DHX16: variants seen among roughly 807,000 people sequenced by gnomAD.
DHX16 encodes the protein DEAH-box helicase 16.
Under a neutral mutation model 131.2 loss-of-function variants are expected in DHX16, and 81 were observed. The ratio of observed to expected loss-of-function variants is 0.62; its 90% confidence interval spans 0.52 to 0.74. DHX16 has a LOEUF of 0.74. Among genes scored for constraint, DHX16 ranks in the 30% least tolerant of loss-of-function variants. DHX16 has a pLI of 0.00. For missense variants in DHX16, 980 were observed against 1,363.1 expected, an observed-to-expected ratio of 0.72 and a Z score of 4.43; for synonymous variants, 440 against 520.2, an observed-to-expected ratio of 0.85 and a Z score of 2.10.
At chr6:30,661,915 C>T in intron 9 of DHX16, 2 of 716,116 alleles carry the variant, frequency 2.8e-6, no homozygotes, top group South Asian at 3.0e-5. Context: ...TGTCCAATTG[C>T]TCCACTGTGA....
intron 7 of DHX16, among the ~76,000 whole-genome samples, chr6:30,664,033 CA>C: frequency 6.7e-6 from 1 of 148,540 alleles, no homozygotes; most frequent in African/African-American, 2.5e-5. Context: ...CAAAAAAAAA[CA>C]AAAAATGTTT....
intron 12 of DHX16, 112 bp downstream of exon 12, chr6:30,659,360 C>A: frequency 8.4e-7 from 1 of 1,189,356 alleles, no homozygotes; most frequent in South Asian, 1.5e-5. Flanking sequence ...GGCTGCTCCT[C>A]AGCTGTGTGC....
Position 30,656,351 on chromosome 6 carries a change from C to G in DHX16, c.2430+40G>C. 1 of 1,610,824 alleles carries G rather than the reference C, an allele frequency of 6.2e-7. No homozygotes were observed. The highest frequency in any genetic ancestry group is 8.5e-7 in the Non-Finnish European group (1 of 1,177,254). On this transcript the variant is annotated intron_variant, in intron 15 of 19. Transcript: ENST00000376442. The surrounding 1 kb of genome is among the most constrained non-coding windows in gnomAD (Gnocchi z 5.1). ...AGGGGTCCCTGGAGCCATCCTGACC[C>G]CTATCATCCTGCCTCCACCCATGCT...
Position 30,656,147 on chromosome 6 carries a change from G to A in DHX16, c.2498+51C>T, listed in dbSNP as rs549292187. On this transcript the variant is annotated intron_variant, in intron 16 of 19. Coordinates refer to ENST00000376442, the MANE Select transcript of DHX16 (RefSeq NM_003587.5). This position sits in a 1 kb window ranked among gnomAD's most constrained non-coding sequence, Gnocchi z 5.1. Reference sequence around the variant, plus strand: ...GACAAAGGGGACCCTGGAGACAGAGGAGGCCTGGCCTGTTTGTGTGCTGGG... The same window carrying A: ...GACAAAGGGGACCCTGGAGACAGAGAAGGCCTGGCCTGTTTGTGTGCTGGG... 21 of 1,557,006 alleles carry A rather than the reference G, an allele frequency of 1.3e-5. No homozygotes were observed. In the Admixed American group the frequency reaches 2.8e-4, roughly 21 times the overall value.
In DHX16 at chr6:30,671,167, C is replaced by T; in HGVS notation, c.315G>A (p.Glu105=). The T allele has an allele frequency of 6.2e-7, 1 of 1,613,094 alleles. No individual in the cohort carries two copies. The highest frequency in any genetic ancestry group is 8.5e-7 in the Non-Finnish European group (1 of 1,180,040). Residue 105 remains glutamate (E), a synonymous_variant, in exon 2 of 20, where the codon GAG becomes GAA. Transcript: ENST00000376442. Reference sequence around the variant, plus strand: ...CCCTACTCACAGTCTCCTCACTGCTCTCTTCACTGTCTTCCAGTAACCTAT... The same window carrying T: ...CCCTACTCACAGTCTCCTCACTGCTTTCTTCACTGTCTTCCAGTAACCTAT... ...RSYRLLEDSE[E]SSEETVSRAG...
At chr6:30,658,698 G>A (rs1184263311) in intron 12 of DHX16, among the ~76,000 whole-genome samples, 4 of 151,830 alleles carry the variant, frequency 2.6e-5, no homozygotes, top group East Asian at 2.0e-4. Flanking sequence ...GCAACAGAGC[G>A]AGACTCTGTC....
chr6:30,656,409 G>C lies in DHX16; in HGVS notation c.2412C>G (p.His804Gln), dbSNP rs1767988185. The change falls in exon 15 of 20, where the codon CAC becomes CAG. Residue 804 changes from histidine to glutamine, a missense_variant. His to Gln is a conservative substitution (Grantham distance 24). Around this residue, in one of 3 missense-constraint regions of DHX16, gnomAD observed 309 missense variants for 537.1 expected, o/e 0.58. Transcript: ENST00000376442. This position sits in a 1 kb window ranked among gnomAD's most constrained non-coding sequence, Gnocchi z 5.1. ...EQLYALGALN[H>Q]LGELTTSGRK... is the part of the protein sequence containing the mutation. ...GACTCACCGTGGTGAGCTCCCCAAG[G>C]TGGTTGAGGGCTCCCAGAGCATACA... The C allele has an allele frequency of 6.2e-7, 1 of 1,613,996 alleles. No individual in the cohort carries two copies.
intron 19 of DHX16, among the ~76,000 whole-genome samples, chr6:30,653,616 T>TCTTGGCCTCGCAAAGTGCTAGGATCCTGC (rs1767666459): frequency 6.7e-6 from 1 of 150,258 alleles, no homozygotes; most frequent in South Asian, 2.1e-4. Flanking sequence ...CCTGGGCTGA[T>TCTTGGCCTCGCAAAGTGCTAGGATCCTGC]CTTGGCCTCC....
intron 12 of DHX16, among the ~76,000 whole-genome samples, chr6:30,658,100 C>T (rs1241274311): frequency 1.3e-5 from 2 of 152,206 alleles, no homozygotes; most frequent in African/African-American, 4.8e-5. Flanking sequence ...TTGACTGCTA[C>T]TCAGCTGTCT....
At chr6:30,664,326 A>G (rs1324341518) in intron 7 of DHX16, among the ~76,000 whole-genome samples, 3 of 151,916 alleles carry the variant, frequency 2.0e-5, no homozygotes, top group African/African-American at 7.3e-5. Flanking sequence ...TCTACTAAAA[A>G]ATTAGCCAGG....
chr6:30,655,492 A>G lies in DHX16; in HGVS notation c.2604T>C (p.Arg868=). The G allele has an allele frequency of 1.9e-6, 3 of 1,613,278 alleles. No individual in the cohort carries two copies. The highest frequency in any genetic ancestry group is 2.7e-5 in the African/African-American group (2 of 75,044). ...CACCGCCAGGGAGAAAGAAGTTGAC[A>G]CGGGCATTGTCAGCATGGACGACCT... ...KDKVVHADNA[R]VNFFLPGGDH... Residue 868 remains arginine, a synonymous_variant, in exon 17 of 20, where the codon CGT becomes CGC. Transcript: ENST00000376442.
Position 30,655,512 on chromosome 6 carries a change from C to A in DHX16, c.2584G>T (p.Val862Phe), listed in dbSNP as rs535573253. The A allele has an allele frequency of 6.2e-7, 1 of 1,613,110 alleles. No homozygotes were observed. The highest frequency in any genetic ancestry group is 8.5e-7 in the Non-Finnish European group (1 of 1,180,030). ...SIFYRPKDKVVHADNARVNFF... is the reference protein window; with the variant it reads ...SIFYRPKDKVFHADNARVNFF... ...TTGACACGGGCATTGTCAGCATGGA[C>A]GACCTTGTCCTTTGGTCGGTAGAAG... The change falls in exon 17 of 20, where the codon GTC becomes TTC. Residue 862 changes from valine to phenylalanine, a missense_variant. Physicochemically the swap from Val to Phe is conservative, Grantham distance 50. Around this residue, in one of 3 missense-constraint regions of DHX16, gnomAD observed 214 missense variants for 271.2 expected, o/e 0.79. Coordinates refer to ENST00000376442, the MANE Select transcript of DHX16 (RefSeq NM_003587.5).
rs1232006478 is a variant in DHX16, at chr6:30,655,270, GGC to G, written c.2726_2727del (p.Arg909ProfsTer69). 1 of 1,614,034 alleles carries G rather than the reference GGC, an allele frequency of 6.2e-7. No homozygotes were observed. Among genetic ancestry groups the G allele is most frequent in the Non-Finnish European group, 8.5e-7 (1 of 1,180,048 alleles). ...YENFVQFRSM[R>X]RARDVREQLE... ...AGCTGTTCCCGCACATCCCGGGCTC[GGC>G]GCATCGATCTGAACTGTACAAAGTT... On this transcript the variant is annotated frameshift_variant, in exon 18 of 20. Coordinates refer to ENST00000376442, the MANE Select transcript of DHX16 (RefSeq NM_003587.5). LOFTEE classifies it high-confidence loss of function.
chr6:30,665,314 T>C lies in DHX16; in HGVS notation c.922-40A>G. The C allele has an allele frequency of 6.3e-7, 1 of 1,596,738 alleles. No homozygotes were observed. The highest frequency in any genetic ancestry group is 8.5e-7 in the Non-Finnish European group (1 of 1,176,542). The stretch of plus-strand genomic sequence containing the variant: ...GATATGTGAAGACTCAAAAACAGGA[T>C]GTCCTCTCTGCCCTCTCCCCTCTTC... On this transcript the variant is annotated intron_variant, in intron 5 of 19. Coordinates refer to ENST00000376442, the MANE Select transcript of DHX16 (RefSeq NM_003587.5). The surrounding 1 kb of genome is among the most constrained non-coding windows in gnomAD (Gnocchi z 4.8).
chr6:30,664,065 C>T (rs1412925283), intron 7 of DHX16, among the ~76,000 whole-genome samples: 1 of 151,182 alleles, frequency 6.6e-6, no homozygotes, highest in African/African-American at 2.4e-5. Flanking sequence ...TGGTGGTGTG[C>T]ACCTCCCAGA....
chr6:30,668,038 G>T (rs1435878678), intron 4 of DHX16, among the ~76,000 whole-genome samples: 1 of 152,014 alleles, frequency 6.6e-6, no homozygotes, highest in East Asian at 1.9e-4. Flanking sequence ...GGGTAATGAG[G>T]GTATCTTTTA....
At chr6:30,657,204 G>C (rs1768069345) in intron 12 of DHX16, 112 bp from the exon 13 acceptor site, 2 of 1,106,340 alleles carry the variant, frequency 1.8e-6, no homozygotes, top group Non-Finnish European at 2.6e-6. Flanking sequence ...GGCAGGAGCT[G>C]AGGGAATTAG....
chr6:30,661,231 C>T (rs1373107971), intron 9 of DHX16, among the ~76,000 whole-genome samples: 3 of 152,052 alleles, frequency 2.0e-5, no homozygotes, highest in Admixed American at 1.3e-4. Flanking sequence ...TACAGGTGCC[C>T]GCCACCACGC....
chr6:30,653,377 GAGAGA>G lies in DHX16; in HGVS notation c.2998-12_2998-8del. The G allele has an allele frequency of 6.3e-7, 1 of 1,596,030 alleles. No homozygotes were observed. The highest frequency in any genetic ancestry group is 8.5e-7 in the Non-Finnish European group (1 of 1,175,436). On this transcript the variant is annotated splice_polypyrimidine_tract_variant and splice_region_variant and intron_variant, in intron 19 of 19. Transcript: ENST00000376442. The stretch of plus-strand genomic sequence containing the variant: ...TGCTCTCAATCTCCAGTACCTAGGA[GAGAGA>G]AAAGATCAATGGAGTTCCCTTCTTT...
Sources: gnomAD v4.1 joint callset for allele counts (sites outside exome capture counted in the v4.1 genomes callset) on GRCh38, gnomAD v4.1.1 for gene constraint, gnomAD v4.1.1 regional missense constraint, Gnocchi (gnomAD v3.1) non-coding constraint, MANE v1.5 for transcripts, NCBI Gene and HGNC (gene_info 2026-07-23, HGNC 2026-07-21) for gene names.